The following KIAA1755 variants were observed in gnomAD, a reference collection of about 807,000 sequenced individuals.
The protein encoded by KIAA1755 is uncharacterized protein KIAA1755.
KIAA1755 carries 68 observed loss-of-function variants against 91.7 expected under a neutral mutation model. The observed-to-expected ratio is 0.74, with a 90% CI of 0.61 to 0.91. The LOEUF (loss-of-function observed/expected upper bound fraction) is 0.91. KIAA1755 is among the 40% of genes least tolerant of loss of function. KIAA1755 has a pLI of 0.00. For missense variants in KIAA1755, 1,535 were observed against 1,494.4 expected (o/e 1.03, Z -0.45); for synonymous variants, 610 against 604.6 (o/e 1.01, Z -0.13).
chr20:38,230,098 T>C (rs1172875340), intron 5 of KIAA1755, among the ~76,000 whole-genome samples: 1 of 152,132 alleles, frequency 6.6e-6, no homozygotes, highest in Non-Finnish European at 1.5e-5. Context: ...CCTCTAAGAC[T>C]GCCCTGGCTA....
At chr20:38,232,784 C>T (rs991577543) in intron 4 of KIAA1755, among the ~76,000 whole-genome samples, 18 of 151,958 alleles carry the variant, frequency 1.2e-4, no homozygotes, top group African/African-American at 3.9e-4. Flanking sequence ...GAGACTTGAA[C>T]AGAAACTGGA....
chr20:38,239,776 T>G (rs1481429424), intron 3 of KIAA1755, 51 bp from the exon 4 acceptor site: 2 of 1,506,046 alleles, frequency 1.3e-6, no homozygotes, highest in Admixed American at 1.7e-5. Flanking sequence ...AGATGGGCTT[T>G]CTAAGGGGAA....
intron 1 of KIAA1755, among the ~76,000 whole-genome samples, chr20:38,246,959 T>TCCGCGCTGTCCCCTGCCC (rs2076170756): frequency 6.6e-6 from 1 of 152,112 alleles, no homozygotes; most frequent in Non-Finnish European, 1.5e-5. Flanking sequence ...AGCCAGGTGC[T>TCCGCGCTGTCCCCTGCCC]CCGCGCTGTC....
intron 13 of KIAA1755, chr20:38,216,991 T>C: frequency 3.0e-6 from 2 of 673,062 alleles, no homozygotes; most frequent in Non-Finnish European, 5.5e-6. Context: ...CCTCTGTTTT[T>C]TTCCTGTTAC....
At chr20:38,226,367 T>C (rs2075756747) in intron 7 of KIAA1755, among the ~76,000 whole-genome samples, 1 of 152,182 alleles carries the variant, frequency 6.6e-6, no homozygotes, top group Non-Finnish European at 1.5e-5. Flanking sequence ...CCACCTGATA[T>C]TCCTGCTACT....
chr20:38,215,637 G>A (rs1461891494), intron 13 of KIAA1755, among the ~76,000 whole-genome samples: 1 of 152,150 alleles, frequency 6.6e-6, no homozygotes, highest in African/African-American at 2.4e-5. Flanking sequence ...GAAGCCAGCC[G>A]GTCAACGGGA....
intron 3 of KIAA1755, 119 bp from the exon 4 acceptor site, chr20:38,239,844 T>C: frequency 1.0e-6 from 1 of 959,176 alleles, no homozygotes; most frequent in Non-Finnish European, 1.6e-6. Flanking sequence ...ATCTCTCCCA[T>C]GTGCCAGGCA....
intron 2 of KIAA1755, among the ~76,000 whole-genome samples, chr20:38,242,809 T>A (rs1354590400): frequency 6.6e-6 from 1 of 152,260 alleles, no homozygotes; most frequent in Admixed American, 6.5e-5. Flanking sequence ...TATTTGTTTG[T>A]TTATTTATTT....
intron 1 of KIAA1755, among the ~76,000 whole-genome samples, chr20:38,247,358 C>A (rs904741685): frequency 6.6e-6 from 1 of 152,170 alleles, no homozygotes; most frequent in Non-Finnish European, 1.5e-5. Flanking sequence ...CATGCCTTCC[C>A]TTGCTCACCT....
At chr20:38,240,046 A>G (rs2076027401) in intron 3 of KIAA1755, among the ~76,000 whole-genome samples, 1 of 152,064 alleles carries the variant, frequency 6.6e-6, no homozygotes, top group Non-Finnish European at 1.5e-5. Flanking sequence ...AAAGGCATGC[A>G]CCACGAAGCC....
chr20:38,246,993 C>G (rs2076171555), intron 1 of KIAA1755, among the ~76,000 whole-genome samples: 1 of 152,192 alleles, frequency 6.6e-6, no homozygotes, highest in African/African-American at 2.4e-5. Context: ...CTGATCCAGG[C>G]TTCACCGCCT....
chr20:38,231,597 G>A (rs898817850), intron 4 of KIAA1755, among the ~76,000 whole-genome samples: 5 of 152,170 alleles, frequency 3.3e-5, no homozygotes, highest in Non-Finnish European at 7.3e-5. Context: ...CATGAGCTCT[G>A]GGGTCACACA....
Position 38,245,955 on chromosome 20 carries a change from A to C in KIAA1755, c.175T>G (p.Cys59Gly). The C allele has an allele frequency of 3.7e-6, 6 of 1,614,050 alleles. No homozygotes were observed. The highest frequency in any genetic ancestry group is 5.1e-6 in the Non-Finnish European group (6 of 1,180,008). ...LDFLIPAKRL[C>G]EQVREAACAP... ...CAGGCTGCTTCTCGCACTTGCTCAC[A>C]CAGGCGCTTGGCAGGGATCAGGAAA... The change falls in exon 2 of 14, where the codon TGT becomes GGT. Residue 59 changes from cysteine (C) to glycine (G), a missense_variant. Cys to Gly is a radical substitution (Grantham distance 159). Coordinates refer to ENST00000279024, the MANE Select transcript of KIAA1755 (RefSeq NM_001029864.2).
At chr20:38,213,953 A>AC (rs1173990759) in intron 13 of KIAA1755, among the ~76,000 whole-genome samples, 1 of 121,050 alleles carries the variant, frequency 8.3e-6, no homozygotes, top group African/African-American at 3.0e-5. Context: ...ATCATCAGAC[A>AC]CCTTTTTTTT....
chr20:38,223,422 G>T, intron 9 of KIAA1755, 116 bp downstream of exon 9: 1 of 688,958 alleles, frequency 1.5e-6, no homozygotes, highest in Non-Finnish European at 2.3e-6. Flanking sequence ...AATGAATGAT[G>T]AAAAACAGGA....
chr20:38,255,204 C>T (rs1040736763), intron 1 of KIAA1755, among the ~76,000 whole-genome samples: 1 of 152,010 alleles, frequency 6.6e-6, no homozygotes, highest in East Asian at 1.9e-4. Flanking sequence ...TCTCTTCCAT[C>T]TTCCTGCCTC....
At chr20:38,253,294 A>T (rs1344781366) in intron 1 of KIAA1755, among the ~76,000 whole-genome samples, 1 of 152,238 alleles carries the variant, frequency 6.6e-6, no homozygotes, top group African/African-American at 2.4e-5. Flanking sequence ...ACTTGCTCAC[A>T]GCGGTTATAA....
intron 4 of KIAA1755, among the ~76,000 whole-genome samples, chr20:38,238,155 C>T (rs2075992185): frequency 6.6e-6 from 1 of 152,140 alleles, no homozygotes; most frequent in South Asian, 2.1e-4. Context: ...AGGTCACCTT[C>T]CTCCCATAGC....
intron 4 of KIAA1755, among the ~76,000 whole-genome samples, chr20:38,235,259 C>A (rs563463985): frequency 1.3e-5 from 2 of 152,184 alleles, no homozygotes; most frequent in African/African-American, 4.8e-5. Flanking sequence ...GGGCTCTGTT[C>A]ATTCTCTTCT....
Sources: allele counts gnomAD v4.1 joint callset (sites outside exome capture counted in the v4.1 genomes callset), GRCh38; gene constraint gnomAD v4.1.1; transcripts MANE v1.5; gene names NCBI Gene and HGNC (gene_info 2026-07-23, HGNC 2026-07-21).